The following MECOM variants were observed in gnomAD, a reference collection of about 807,000 sequenced individuals.
MECOM encodes the protein MDS1 and EVI1 complex locus, also known as histone-lysine N-methyltransferase MECOM.
In MECOM, 13 loss-of-function variants were observed where a neutral mutation model predicts 116.3. The ratio of observed to expected loss-of-function variants is 0.11; its 90% CI spans 0.07 to 0.18. MECOM has a LOEUF of 0.18. Ranked by LOEUF, MECOM falls within the 10% of genes least tolerant of loss-of-function variation. The pLI is 1.00. For missense variants in MECOM, 1,299 were observed against 1,509.0 expected (o/e 0.86, Z 2.31); for synonymous variants, 528 against 535.2 (o/e 0.99, Z 0.19).
intron 1 of MECOM, among the ~76,000 whole-genome samples, chr3:169,413,875 C>A (rs1738042562): frequency 6.6e-6 from 1 of 152,204 alleles, no homozygotes. Flanking sequence ...GAAAGAAAGG[C>A]AGCAGCCCCA....
chr3:169,111,178 G>A (rs568416933), intron 9 of MECOM, among the ~76,000 whole-genome samples: 3 of 152,178 alleles, frequency 2.0e-5, no homozygotes, highest in East Asian at 1.9e-4. Flanking sequence ...GGAAAACTAA[G>A]AGCCAGGTAG....
chr3:169,592,347 T>C (rs1028712714), intron 1 of MECOM, among the ~76,000 whole-genome samples: 2 of 152,196 alleles, frequency 1.3e-5, no homozygotes, highest in African/African-American at 4.8e-5. Context: ...TTTCTGACTT[T>C]CACATTATTC....
rs187737778 is a variant in MECOM, at chr3:169,592,578, G to A, written c.37+70758C>T. On this transcript the variant is annotated intron_variant, in intron 1 of 16. Transcript: ENST00000651503. ...CCCAGTTTAGGTCCAGCCTTTACTG[G>A]GTAACTTTTATCCAAGCACATGAGC... Among the ~76,000 whole-genome samples, 17 of 152,218 alleles carry A rather than the reference G, an allele frequency of 1.1e-4. No individual in the cohort carries two copies. In the East Asian group the frequency reaches 3.3e-3, roughly 29 times the overall value.
chr3:169,270,924 G>A (rs1422671599), intron 2 of MECOM, among the ~76,000 whole-genome samples: 1 of 152,138 alleles, frequency 6.6e-6, no homozygotes, highest in African/African-American at 2.4e-5. Flanking sequence ...ATTATTGCTG[G>A]TTTTTAAATT....
At chr3:169,432,521 A>G (rs1741813899) in intron 1 of MECOM, among the ~76,000 whole-genome samples, 1 of 152,218 alleles carries the variant, frequency 6.6e-6, no homozygotes, top group South Asian at 2.1e-4. Context: ...ACAGTAAAGC[A>G]GATGTCAATG....
intron 2 of MECOM, among the ~76,000 whole-genome samples, chr3:169,235,852 A>T (rs1436365212): frequency 2.6e-5 from 4 of 151,422 alleles, no homozygotes; most frequent in Non-Finnish European, 5.9e-5. Context: ...TAGGTCCTGG[A>T]ATCAAACCAT....
At chr3:169,548,179 TCA>T (rs941734002) in intron 1 of MECOM, among the ~76,000 whole-genome samples, 1 of 152,056 alleles carries the variant, frequency 6.6e-6, no homozygotes, top group African/African-American at 2.4e-5. Flanking sequence ...TCAAAGGAAG[TCA>T]CACACACACA....
At chr3:169,620,164 A>G (rs1157398142) in intron 1 of MECOM, among the ~76,000 whole-genome samples, 1 of 152,174 alleles carries the variant, frequency 6.6e-6, no homozygotes, top group African/African-American at 2.4e-5. Flanking sequence ...GGCCAGAGTG[A>G]TGGTCATCTT....
intron 2 of MECOM, among the ~76,000 whole-genome samples, chr3:169,293,448 G>C (rs190359486): frequency 6.6e-6 from 1 of 152,046 alleles, no homozygotes; most frequent in Non-Finnish European, 1.5e-5. Flanking sequence ...TTTCTTCTTC[G>C]GCCGCCTTGG....
intron 1 of MECOM, among the ~76,000 whole-genome samples, chr3:169,633,342 T>C (rs904354607): frequency 1.3e-5 from 2 of 152,244 alleles, no homozygotes; most frequent in African/African-American, 2.4e-5. Flanking sequence ...AGCAATGATA[T>C]AACTCAAGTA....
chr3:169,589,103 T>G (rs930099281), intron 1 of MECOM, among the ~76,000 whole-genome samples: 5 of 152,122 alleles, frequency 3.3e-5, no homozygotes, highest in African/African-American at 1.2e-4. Flanking sequence ...CAAATGGCTG[T>G]GTGGTAGCTT....
chr3:169,390,065 G>A (rs190468582), intron 1 of MECOM, among the ~76,000 whole-genome samples: 20 of 152,244 alleles, frequency 1.3e-4, no homozygotes, highest in East Asian at 5.8e-4. Context: ...TTGTGCTTGC[G>A]TCAATATGTT....
intron 2 of MECOM, among the ~76,000 whole-genome samples, chr3:169,267,695 G>T (rs1758478769): frequency 1.3e-5 from 2 of 152,104 alleles, no homozygotes; most frequent in Middle Eastern, 3.2e-3. Flanking sequence ...ATACTCCCTA[G>T]TCCTTCCTGA....
intron 1 of MECOM, among the ~76,000 whole-genome samples, chr3:169,393,148 A>G (rs1734496037): frequency 1.3e-5 from 2 of 152,152 alleles, no homozygotes; most frequent in Admixed American, 1.3e-4. Context: ...CCAGCCTACA[A>G]ATGATCCAAA....
At chr3:169,634,421 C>G (rs1268221187) in intron 1 of MECOM, among the ~76,000 whole-genome samples, 1 of 152,200 alleles carries the variant, frequency 6.6e-6, no homozygotes, top group African/African-American at 2.4e-5. Context: ...TTATCCAAGT[C>G]ACTGTTAAAC....
intron 2 of MECOM, among the ~76,000 whole-genome samples, chr3:169,274,952 A>G (rs1193184538): frequency 6.6e-6 from 1 of 152,252 alleles, no homozygotes; most frequent in Non-Finnish European, 1.5e-5. Flanking sequence ...AGGGAGTGGC[A>G]TATTTAAACC....
chr3:169,518,276 A>T (rs1756928918), intron 1 of MECOM, among the ~76,000 whole-genome samples: 1 of 151,852 alleles, frequency 6.6e-6, no homozygotes, highest in African/African-American at 2.4e-5. Flanking sequence ...AAAAGAAAAG[A>T]AAAGAAAACA....
At chr3:169,292,913 AGCTCATTAAG>A (rs1714858265) in intron 2 of MECOM, among the ~76,000 whole-genome samples, 1 of 152,062 alleles carries the variant, frequency 6.6e-6, no homozygotes, top group Admixed American at 6.6e-5. Flanking sequence ...TGGGTGGTGG[AGCTCATTAAG>A]GCTCAATCAC....
rs1449073305 is a variant in MECOM, at chr3:169,507,446, C to T, written c.38-125922G>A. On this transcript the variant is annotated intron_variant, in intron 1 of 16. Coordinates refer to ENST00000651503, the MANE Select transcript of MECOM (RefSeq NM_004991.4). Reference sequence around the variant, plus strand: ...GCCAATCTACTTAAAGGCATACAGCCGTCCCTCTTAGTAGGGAATTTATTA... The same window carrying T: ...GCCAATCTACTTAAAGGCATACAGCTGTCCCTCTTAGTAGGGAATTTATTA... Among the ~76,000 whole-genome samples, 3 of 152,026 alleles carry T rather than the reference C, an allele frequency of 2.0e-5. No individual in the cohort carries two copies. The East Asian group carries it at 5.8e-4, about 29-fold the overall frequency.
Sources: gnomAD v4.1 joint callset for allele counts (sites outside exome capture counted in the v4.1 genomes callset) on GRCh38, gnomAD v4.1.1 for gene constraint, MANE v1.5 for transcripts, NCBI Gene and HGNC (gene_info 2026-07-23, HGNC 2026-07-21) for gene names.